The following KIF1A variants were observed in gnomAD, a reference collection of about 807,000 sequenced individuals.
KIF1A encodes kinesin-like protein KIF1A.
In KIF1A, 46 loss-of-function variants were observed where a neutral mutation model predicts 227.3. The ratio of observed to expected loss-of-function variants is 0.20; its 90% CI spans 0.16 to 0.26. KIF1A has a LOEUF of 0.26. Among genes scored for constraint, KIF1A ranks in the 10% least tolerant of loss-of-function variants. The probability of loss-of-function intolerance (pLI) is 1.00; values close to 1 mark genes in which losing one functional copy is unlikely to be tolerated. For missense variants in KIF1A, 1,683 were observed against 2,485.9 expected (o/e 0.68, Z 6.87); for synonymous variants, 1,022 against 1,012.8 (o/e 1.01, Z -0.17).
chr2:240,769,556 C>T (rs985483539), intron 16 of KIF1A, 71 bp downstream of exon 16: 40 of 1,314,424 alleles, frequency 3.0e-5, no homozygotes, highest in Non-Finnish European at 4.3e-5. Context: ...GGGCTCAGTG[C>T]TCATCCTGCC....
At chr2:240,747,731 C>T (rs569725837) in intron 28 of KIF1A, among the ~76,000 whole-genome samples, 1 of 152,300 alleles carries the variant, frequency 6.6e-6, no homozygotes, top group East Asian at 1.9e-4. Context: ...CTGGGTGAAG[C>T]TACCACCTGT....
chr2:240,796,163 G>A (rs554369598), intron 2 of KIF1A, among the ~76,000 whole-genome samples: 1 of 152,118 alleles, frequency 6.6e-6, no homozygotes, highest in Non-Finnish European at 1.5e-5. Context: ...GGAGTCGAAG[G>A]TCACACCCAG....
intron 38 of KIF1A, chr2:240,734,859 G>A: frequency 1.3e-6 from 1 of 788,626 alleles, no homozygotes; most frequent in Non-Finnish European, 1.9e-6. Context: ...CTGAGCCAGG[G>A]AGGCTGCAAA....
intron 34 of KIF1A, among the ~76,000 whole-genome samples, chr2:240,742,383 G>A (rs1167657998): frequency 6.6e-6 from 1 of 152,144 alleles, no homozygotes; most frequent in Non-Finnish European, 1.5e-5. Flanking sequence ...GCTGTCTTCA[G>A]CTCTCCCCCG....
intron 1 of KIF1A, among the ~76,000 whole-genome samples, chr2:240,801,659 G>A (rs924155599): frequency 6.6e-6 from 1 of 152,260 alleles, no homozygotes; most frequent in Non-Finnish European, 1.5e-5. Flanking sequence ...CCTTTATAAG[G>A]TGATTAGGTC....
chr2:240,717,842 C>G (rs2044743532), intron 48 of KIF1A, among the ~76,000 whole-genome samples: 1 of 152,258 alleles, frequency 6.6e-6, no homozygotes, highest in African/African-American at 2.4e-5. Flanking sequence ...ACTGCTTCCC[C>G]AGGCAGCCTT....
At chr2:240,731,638 C>A (rs962859496) in intron 38 of KIF1A, among the ~76,000 whole-genome samples, 3 of 152,206 alleles carry the variant, frequency 2.0e-5, no homozygotes, top group African/African-American at 7.2e-5. Flanking sequence ...CGGGAGCTGC[C>A]TTTTCCACTC....
intron 29 of KIF1A, 109 bp from the exon 30 acceptor site, chr2:240,746,286 T>C: frequency 7.3e-7 from 1 of 1,367,348 alleles, no homozygotes; most frequent in Non-Finnish European, 9.9e-7. Context: ...GAGCCTGGGC[T>C]GGGGCCTCCA....
At position 240,808,225 on chromosome 2, in the gene KIF1A, A is replaced by G. The variant is rs116843043; in HGVS notation, c.-60-10413T>C. On this transcript the variant is annotated intron_variant, in intron 1 of 48. Transcript: ENST00000498729. ...GAAACCAAACTGTCATTATCTGCAG[A>G]CCATTTGCTCATCTACACATAAATC... Among the ~76,000 whole-genome samples, 846 of 152,176 alleles carry G rather than the reference A, an allele frequency of 5.6e-3. 25 individuals are homozygous for G. In the East Asian group the frequency reaches 0.072, roughly 13 times the overall value.
At chr2:240,761,451 G>C in intron 23 of KIF1A, 74 bp from the exon 24 acceptor site, 1 of 1,419,028 alleles carries the variant, frequency 7.0e-7, no homozygotes, top group Non-Finnish European at 9.3e-7. Flanking sequence ...CCTCTGGAAG[G>C]TCAGGCTGGT....
chr2:240,718,837 C>G (rs1299437146), intron 47 of KIF1A, among the ~76,000 whole-genome samples, 169 bp downstream of exon 47: 3 of 152,230 alleles, frequency 2.0e-5, no homozygotes, highest in Admixed American at 6.5e-5. Flanking sequence ...GGGGCAAGGA[C>G]AGAGGATCCC....
At chr2:240,747,964 C>G (rs2048797616) in intron 28 of KIF1A, among the ~76,000 whole-genome samples, 3 of 152,260 alleles carry the variant, frequency 2.0e-5, no homozygotes, top group African/African-American at 7.2e-5. Context: ...ACGGGCAGGG[C>G]TGATGAGACT....
chr2:240,807,078 ATGTGTG>A (rs67918205), intron 1 of KIF1A, among the ~76,000 whole-genome samples: 7,236 of 93,912 alleles, frequency 0.077, 279 homozygotes, highest in Middle Eastern at 0.098. Flanking sequence ...CCTCATATAT[ATGTGTG>A]TGTGTGTGTG....
At chr2:240,809,668 A>ATTTTTT (rs59491347) in intron 1 of KIF1A, among the ~76,000 whole-genome samples, 1,863 of 140,258 alleles carry the variant, frequency 0.013, 64 homozygotes, top group African/African-American at 0.046. Flanking sequence ...TAGGGAAGGA[A>ATTTTTT]TTTTTTTTTT....
chr2:240,718,968 G>A, intron 47 of KIF1A, 38 bp downstream of exon 47: 3 of 1,550,812 alleles, frequency 1.9e-6, no homozygotes, highest in Non-Finnish European at 1.8e-6. Flanking sequence ...CCCTGCTAGG[G>A]TTCCTGGTGC....
chr2:240,756,750 C>T lies in KIF1A; in HGVS notation c.2858+569G>A, dbSNP rs538990420. On this transcript the variant is annotated intron_variant, in intron 27 of 48. Coordinates refer to ENST00000498729, the MANE Select transcript of KIF1A (RefSeq NM_001244008.2). The stretch of plus-strand genomic sequence containing the variant: ...GCCTCAGGATGGCTGCCTCTGAGTT[C>T]AGCTCCTTTCCCCAAAGAGAGTGGA... 9.8e-5 allele frequency among the ~76,000 whole-genome samples: 15 copies of T among 152,362 alleles called. No homozygotes were observed. In the South Asian group the frequency reaches 2.9e-3, roughly 29 times the overall value.
At chr2:240,756,019 C>A (rs1463637542) in intron 27 of KIF1A, among the ~76,000 whole-genome samples, 1 of 152,144 alleles carries the variant, frequency 6.6e-6, no homozygotes. Flanking sequence ...TCTCACCTCA[C>A]AGCCTAGTAA....
chr2:240,750,493 C>T lies in KIF1A; in HGVS notation c.2913G>A (p.Val971=). 1 of 1,613,930 alleles carries T rather than the reference C, an allele frequency of 6.2e-7. No individual in the cohort carries two copies. Among genetic ancestry groups the T allele is most frequent in the Non-Finnish European group, 8.5e-7 (1 of 1,179,834 alleles). ...LLYPVPLVHR[V]AIVSEKGEVK... is the part of the protein sequence containing the mutation. ...CCTCGCCCTTCTCGCTGACGATTGC[C>T]ACACGGTGTACCAGGGGAACGGGGT... Residue 971 remains valine, a synonymous_variant, in exon 28 of 49, where the codon GTG becomes GTA. Coordinates refer to ENST00000498729, the MANE Select transcript of KIF1A (RefSeq NM_001244008.2).
chr2:240,737,399 G>T (rs1468820176), intron 37 of KIF1A: 1 of 461,610 alleles, frequency 2.2e-6, no homozygotes, highest in African/African-American at 2.0e-5. Context: ...CGGCCACAGT[G>T]AACACCCCCG....
Sources: gnomAD v4.1 joint callset for allele counts (sites outside exome capture counted in the v4.1 genomes callset) on GRCh38, gnomAD v4.1.1 for gene constraint, MANE v1.5 for transcripts, NCBI Gene and HGNC (gene_info 2026-07-23, HGNC 2026-07-21) for gene names.